The following RAB21 variants were observed in gnomAD, a reference collection of about 807,000 sequenced individuals.
RAB21 encodes the protein RAB21, member RAS oncogene family.
In RAB21, 13 loss-of-function variants were observed where a neutral mutation model predicts 33.1. The observed-to-expected ratio is 0.39, with a 90% CI of 0.26 to 0.62. The LOEUF is 0.62. Among genes scored for constraint, RAB21 ranks in the 20% least tolerant of loss-of-function variants. The pLI is 0.48. For synonymous variants in RAB21, 91 were observed against 103.7 expected, an observed-to-expected ratio of 0.88 and a Z score of 0.74; for missense variants, 234 against 279.1, an observed-to-expected ratio of 0.84 and a Z score of 1.15.
In RAB21 at chr12:71,790,720, G is replaced by A. The variant is rs1032752753; in HGVS notation, c.*5047G>A. 1 of 152,042 alleles carries A rather than the reference G, an allele frequency of 6.6e-6. No homozygotes were observed. The highest frequency in any genetic ancestry group is 1.5e-5 in the Non-Finnish European group (1 of 68,016). 9.4% of individuals were successfully genotyped at this position (152,042 alleles called of 1,614,324 possible). On this transcript the variant is annotated 3_prime_UTR_variant, in exon 7 of 7. Coordinates refer to ENST00000261263, the MANE Select transcript of RAB21 (RefSeq NM_014999.4). Reference sequence around the variant, plus strand: ...ATGTTTACATATAGAAATACATAGTGTTGTGGGTTTTAAATTTTCACATAA... The same window carrying A: ...ATGTTTACATATAGAAATACATAGTATTGTGGGTTTTAAATTTTCACATAA...
intron 1 of RAB21, among the ~76,000 whole-genome samples, chr12:71,768,848 C>A (rs1238337383): frequency 3.9e-5 from 6 of 152,154 alleles, no homozygotes; most frequent in Non-Finnish European, 7.4e-5. Context: ...GTCAGCTAGC[C>A]TTCCTTTTGG....
chr12:71,782,687 G>T, intron 6 of RAB21, 29 bp downstream of exon 6: 1 of 1,465,876 alleles, frequency 6.8e-7, no homozygotes, highest in Non-Finnish European at 9.3e-7. Context: ...AGTTTGTTTA[G>T]AAATGGTTTT....
intron 1 of RAB21, among the ~76,000 whole-genome samples, chr12:71,769,454 T>G (rs1883008435): frequency 6.6e-6 from 1 of 151,984 alleles, no homozygotes; most frequent in African/African-American, 2.4e-5. Flanking sequence ...ATTTATTTTA[T>G]CTTAGAAATC....
chr12:71,763,110 C>G (rs1160385166), intron 1 of RAB21, among the ~76,000 whole-genome samples: 1 of 150,632 alleles, frequency 6.6e-6, no homozygotes, highest in Non-Finnish European at 1.5e-5. Context: ...CGCACACACA[C>G]ACACACACAC....
chr12:71,773,842 A>G (rs1883078697), intron 3 of RAB21, 117 bp from the exon 4 acceptor site: 3 of 679,492 alleles, frequency 4.4e-6, no homozygotes, highest in Non-Finnish European at 7.4e-6. Context: ...AGTAATAACT[A>G]AATAATATAG....
intron 1 of RAB21, among the ~76,000 whole-genome samples, chr12:71,758,232 C>T (rs187131096): frequency 7.2e-5 from 11 of 151,922 alleles, no homozygotes; most frequent in East Asian, 3.9e-4. Context: ...GGGATTTTGC[C>T]GTGTTGGCCA....
intron 4 of RAB21, among the ~76,000 whole-genome samples, chr12:71,781,383 G>A (rs1883197380): frequency 6.6e-6 from 1 of 151,882 alleles, no homozygotes; most frequent in Admixed American, 6.6e-5. Context: ...GCAGGAGAAT[G>A]GCGTGAACCC....
At chr12:71,767,500 G>A (rs1592644997) in intron 1 of RAB21, among the ~76,000 whole-genome samples, 1 of 151,930 alleles carries the variant, frequency 6.6e-6, no homozygotes, top group East Asian at 1.9e-4. Flanking sequence ...GGTTTTTTTT[G>A]TTTGTTTTGT....
chr12:71,773,908 G>A, intron 3 of RAB21, 51 bp from the exon 4 acceptor site: 1 of 1,297,298 alleles, frequency 7.7e-7, no homozygotes, highest in Non-Finnish European at 1.1e-6. Context: ...TGTTGTGATA[G>A]TAGTAATTCC....
rs187424077 is a variant in RAB21 at position 71,754,903 on chromosome 12, A to G, written c.-227A>G. On this transcript the variant is annotated 5_prime_UTR_variant, in exon 1 of 7. Coordinates refer to ENST00000261263, the MANE Select transcript of RAB21 (RefSeq NM_014999.4). ...CGCCATTAGAGGGAGGCAGAGAGGG[A>G]TCGTTCTTCGCTTTTCCTCCGGTGC... 1,530 of 202,596 alleles carry G rather than the reference A, an allele frequency of 7.6e-3. 8 individuals carry two copies. Among genetic ancestry groups the G allele is most frequent in the Admixed American group, 0.013 (200 of 15,698 alleles). 12.5% of individuals were successfully genotyped at this position (202,596 alleles called of 1,614,324 possible).
At chr12:71,768,802 G>A (rs1882998328) in intron 1 of RAB21, among the ~76,000 whole-genome samples, 1 of 152,154 alleles carries the variant, frequency 6.6e-6, no homozygotes, top group Non-Finnish European at 1.5e-5. Context: ...GGGAAAAAAA[G>A]TTCAAATGAG....
In RAB21 at chr12:71,755,037, T is replaced by G. The variant is rs1882759568; in HGVS notation, c.-93T>G. The G allele has an allele frequency of 1.0e-6, 1 of 990,668 alleles. No homozygotes were observed. The highest frequency in any genetic ancestry group is 5.9e-5 in the Admixed American group (1 of 16,974). The allele number at this position is 990,668 out of a possible 1,614,324, so 61.4% of individuals were successfully genotyped here. On this transcript the variant is annotated 5_prime_UTR_variant, in exon 1 of 7. Coordinates refer to ENST00000261263, the MANE Select transcript of RAB21 (RefSeq NM_014999.4). ...GCCCGGGTCGGCGGGGCCGGGGCGG[T>G]GGGGGCTGAGCCGGCCGTGGCTGTG...
chr12:71,791,488 A>C lies in RAB21; in HGVS notation c.*5815A>C, dbSNP rs1439841087. On this transcript the variant is annotated 3_prime_UTR_variant, in exon 7 of 7. Coordinates refer to ENST00000261263, the MANE Select transcript of RAB21 (RefSeq NM_014999.4). ...TTTATCAGAATACGTTTTTTATTGG[A>C]GGGAAGAAGGAAAAAGAGGAAAGGT... 6.6e-6 allele frequency: 1 copy of C among 152,154 alleles called. No homozygotes were observed. Among genetic ancestry groups the C allele is most frequent in the Non-Finnish European group, 1.5e-5 (1 of 68,030 alleles). The allele number at this position is 152,154 out of a possible 1,614,324, so 9.4% of individuals were successfully genotyped here.
intron 4 of RAB21, among the ~76,000 whole-genome samples, chr12:71,777,784 A>G (rs1188565126): frequency 1.3e-5 from 2 of 151,986 alleles, no homozygotes; most frequent in African/African-American, 4.8e-5. Context: ...TCCTAGGTTT[A>G]TTTTATTGTG....
At chr12:71,782,694 T>A (rs758546348) in intron 6 of RAB21, 36 bp downstream of exon 6, 11 of 1,420,076 alleles carry the variant, frequency 7.7e-6, no homozygotes, top group Non-Finnish European at 1.1e-5. Context: ...TTAGAAATGG[T>A]TTTTGGTTTT....
At chr12:71,769,656 A>T in intron 1 of RAB21, 144 bp from the exon 2 acceptor site, 4 of 391,752 alleles carry the variant, frequency 1.0e-5, no homozygotes, top group Non-Finnish European at 4.6e-6. Flanking sequence ...TTAATGAAAC[A>T]ATTTCGATCA....
intron 5 of RAB21, 121 bp downstream of exon 5, chr12:71,782,206 C>A: frequency 1.1e-6 from 1 of 929,054 alleles, no homozygotes; most frequent in Non-Finnish European, 1.6e-6. Context: ...GTGTTGGATT[C>A]AGTGAAGCAT....
intron 1 of RAB21, among the ~76,000 whole-genome samples, chr12:71,769,116 C>T (rs1883003414): frequency 6.6e-6 from 1 of 152,128 alleles, no homozygotes; most frequent in Admixed American, 6.5e-5. Flanking sequence ...AGGAACAGTC[C>T]CTACTGCTCC....
At chr12:71,763,488 C>T (rs532849932) in intron 1 of RAB21, among the ~76,000 whole-genome samples, 8 of 151,612 alleles carry the variant, frequency 5.3e-5, no homozygotes, top group African/African-American at 1.5e-4. Context: ...GATTACCTGT[C>T]GATTTTTTTT....
Sources: allele counts gnomAD v4.1 joint callset (sites outside exome capture counted in the v4.1 genomes callset), GRCh38; gene constraint gnomAD v4.1.1; transcripts MANE v1.5; gene names NCBI Gene and HGNC (gene_info 2026-07-23, HGNC 2026-07-21).